The following USP13 variants were observed in gnomAD, a reference collection of about 807,000 sequenced individuals.
USP13 encodes the protein ubiquitin carboxyl-terminal hydrolase 13.
In USP13, 68 loss-of-function variants were observed where a neutral mutation model predicts 107.8. The observed-to-expected ratio is 0.63, with a 90% CI of 0.52 to 0.77. The LOEUF is 0.77. Ranked by LOEUF, USP13 falls within the 30% of genes least tolerant of loss-of-function variation. The pLI is 0.00. For missense variants in USP13, 945 were observed against 1,093.3 expected (o/e 0.86, Z 1.91); for synonymous variants, 377 against 389.5 (o/e 0.97, Z 0.38).
chr3:179,750,921 G>A (rs1006046906), intron 13 of USP13, among the ~76,000 whole-genome samples: 7 of 152,106 alleles, frequency 4.6e-5, no homozygotes, highest in South Asian at 2.1e-4. Flanking sequence ...CTGTCCCTGC[G>A]CTGTGCCTTT....
rs944539830 is a variant in USP13 at position 179,689,657 on chromosome 3, C to CA, written c.295-574dup. Among the ~76,000 whole-genome samples the CA allele has an allele frequency of 6.9e-3, 919 of 133,026 alleles. 8 individuals are homozygous for CA. The highest frequency in any genetic ancestry group is 9.4e-3 in the Non-Finnish European group (580 of 61,938). 87.3% of individuals were successfully genotyped at this position (133,026 alleles called of 152,430 possible). On this transcript the variant is annotated intron_variant, in intron 2 of 20. Transcript: ENST00000263966. Reference sequence around the variant, plus strand: ...TGGGCGACTGTGTGAGACTCCATCTCAAAAAAAAAAGCCAAAAAAAAAGAA... The same window carrying CA: ...TGGGCGACTGTGTGAGACTCCATCTCAAAAAAAAAAAGCCAAAAAAAAAGAA...
intron 3 of USP13, 74 bp from the exon 4 acceptor site, chr3:179,700,934 T>C (rs1712493524): frequency 1.6e-5 from 24 of 1,508,280 alleles, no homozygotes; most frequent in Non-Finnish European, 1.9e-5. Flanking sequence ...TTTCTGGCTT[T>C]TCCAGTGAGT....
chr3:179,676,275 A>G (rs908387731), intron 1 of USP13, among the ~76,000 whole-genome samples: 2 of 152,188 alleles, frequency 1.3e-5, no homozygotes, highest in African/African-American at 4.8e-5. Context: ...TCATTATAGT[A>G]GTGTGAGAAT....
intron 4 of USP13, among the ~76,000 whole-genome samples, chr3:179,704,552 G>A (rs734368): frequency 0.09 from 13,679 of 152,074 alleles, 860 homozygotes; most frequent in African/African-American, 0.17. Context: ...GCTACTGACC[G>A]ATGACACTGG....
Position 179,659,815 on chromosome 3 carries a change from G to A in USP13, c.168+6422G>A, listed in dbSNP as rs183878796. Reference sequence around the variant, plus strand: ...GCACTTTGGGAGGCTGAGGTGGGTGGATCACCTTATGAGGTCAGGAGTTCG... The same window carrying A: ...GCACTTTGGGAGGCTGAGGTGGGTGAATCACCTTATGAGGTCAGGAGTTCG... On this transcript the variant is annotated intron_variant, in intron 1 of 20. Transcript: ENST00000263966. Among the ~76,000 whole-genome samples, 98 of 152,274 alleles carry A rather than the reference G, an allele frequency of 6.4e-4. 1 individual carries two copies. Among genetic ancestry groups the A allele is most frequent in the African/African-American group, 2.3e-3 (97 of 41,562 alleles).
intron 11 of USP13, 27 bp downstream of exon 11, chr3:179,740,399 C>A (rs1236471426): frequency 1.9e-6 from 3 of 1,613,388 alleles, no homozygotes; most frequent in Non-Finnish European, 2.5e-6. Context: ...CACGGATGCT[C>A]AGCGGGGTTG....
At position 179,781,765 on chromosome 3, in the gene USP13, C is replaced by T. The variant is rs758761991; in HGVS notation, c.2440C>T (p.His814Tyr). 6 of 1,613,926 alleles carry T rather than the reference C, an allele frequency of 3.7e-6. No homozygotes were observed. Among genetic ancestry groups the T allele is most frequent in the Non-Finnish European group, 4.2e-6 (5 of 1,179,950 alleles). The stretch of plus-strand genomic sequence containing the variant: ...ATATGAGCTATTTGCATTCATCAGT[C>T]ACATGGGAACATCCACAATGAGTGG... ...GTYELFAFIS[H>Y]MGTSTMSGHY... The change falls in exon 20 of 21, where the codon CAC (histidine) becomes TAC (tyrosine). Residue 814 changes from histidine (H) to tyrosine (Y), a missense_variant. Coordinates refer to ENST00000263966, the MANE Select transcript of USP13 (RefSeq NM_003940.3).
At chr3:179,681,378 G>A (rs1021890879) in intron 1 of USP13, among the ~76,000 whole-genome samples, 2 of 152,148 alleles carry the variant, frequency 1.3e-5, no homozygotes, top group African/African-American at 4.8e-5. Context: ...CTAAATAGGC[G>A]AGGGGGGATT....
chr3:179,769,085 A>G (rs981566947), intron 19 of USP13, among the ~76,000 whole-genome samples: 1 of 152,224 alleles, frequency 6.6e-6, no homozygotes, highest in South Asian at 2.1e-4. Context: ...AAAAATGAAT[A>G]TAAATCTAAG....
rs1382370763 is a variant in USP13, at chr3:179,653,697, C to CGT, written c.168+305_168+306insTG. 1.2e-5 allele frequency: 4 copies of CGT among 323,826 alleles called. No homozygotes were observed. The highest frequency in any genetic ancestry group is 1.2e-5 in the Non-Finnish European group (2 of 173,448). 20.1% of individuals were successfully genotyped at this position (323,826 alleles called of 1,614,324 possible). A position where few individuals can be genotyped will look rare whatever the true frequency, so the allele number is the denominator to read the frequency against. Reference sequence around the variant, plus strand: ...GATGAAATACAAGAGTTCCCTGTTCCGAACTGCACGTTGCAGATCGTTTGC... The same window carrying CGT: ...GATGAAATACAAGAGTTCCCTGTTCCGTGAACTGCACGTTGCAGATCGTTTGC... On this transcript the variant is annotated intron_variant, in intron 1 of 20. Transcript: ENST00000263966. This position sits in a 1 kb window ranked among gnomAD's most constrained non-coding sequence, Gnocchi z 4.0.
chr3:179,654,778 A>T (rs1438146427), intron 1 of USP13, among the ~76,000 whole-genome samples: 2 of 152,172 alleles, frequency 1.3e-5, no homozygotes, highest in Non-Finnish European at 2.9e-5. Context: ...TTCCTTTATT[A>T]TCTGTGGGTT....
chr3:179,748,464 C>G (rs1439318863), intron 13 of USP13, among the ~76,000 whole-genome samples: 1 of 152,224 alleles, frequency 6.6e-6, no homozygotes, highest in Non-Finnish European at 1.5e-5. Context: ...TCTTTTGTTA[C>G]ACCCAGAGCC....
At chr3:179,682,718 T>C (rs1711709977) in intron 2 of USP13, among the ~76,000 whole-genome samples, 1 of 152,228 alleles carries the variant, frequency 6.6e-6, no homozygotes, top group South Asian at 2.1e-4. Context: ...TCTTCTCGTA[T>C]TGATGAACAT....
At chr3:179,739,657 A>G (rs189465578) in intron 10 of USP13, among the ~76,000 whole-genome samples, 1 of 152,192 alleles carries the variant, frequency 6.6e-6, no homozygotes, top group Non-Finnish European at 1.5e-5. Flanking sequence ...TCCCGGGTTC[A>G]AGCGATTTTC....
chr3:179,704,806 C>G (rs4855107), intron 4 of USP13, among the ~76,000 whole-genome samples: 27,449 of 152,114 alleles, frequency 0.18, 2,600 homozygotes, highest in Admixed American at 0.24. Context: ...GTCCCGATCT[C>G]TAATGGATTA....
At position 179,653,359 on chromosome 3, in the gene USP13, A is replaced by G. The variant is rs1720143536; in HGVS notation, c.134A>G (p.Tyr45Cys). The part of the protein sequence containing the change: ...IRVPRSGDRV[Y>C]KNECAFSYDS... Reference sequence around the variant, plus strand: ...GTGCCCAGGTCCGGCGACAGGGTCTACAAGAACGAGTGCGCCTTCTCCTAC... The same window carrying G: ...GTGCCCAGGTCCGGCGACAGGGTCTGCAAGAACGAGTGCGCCTTCTCCTAC... Residue 45 changes from tyrosine (Y) to cysteine (C), a missense_variant, in exon 1 of 21, where the codon TAC (tyrosine) becomes TGC (cysteine). Tyr to Cys is a radical substitution (Grantham distance 194). Coordinates refer to ENST00000263966, the MANE Select transcript of USP13 (RefSeq NM_003940.3). This position sits in a 1 kb window ranked among gnomAD's most constrained non-coding sequence, Gnocchi z 4.0. The G allele has an allele frequency of 6.3e-7, 1 of 1,575,086 alleles. No homozygotes were observed. Among genetic ancestry groups the G allele is most frequent in the Non-Finnish European group, 8.6e-7 (1 of 1,160,532 alleles).
In USP13 at chr3:179,786,944, CA is replaced by C. The variant is rs760381102; in HGVS notation, c.*2806del. ...TATGTCTTTGGAAAAGGTAATGTAT[CA>C]AAGTTTTTATTTTGCCAATTGATCT... On this transcript the variant is annotated 3_prime_UTR_variant, in exon 21 of 21. Coordinates refer to ENST00000263966, the MANE Select transcript of USP13 (RefSeq NM_003940.3). 6 of 152,060 alleles carry C rather than the reference CA, an allele frequency of 3.9e-5. No individual in the cohort carries two copies. Among genetic ancestry groups the C allele is most frequent in the Non-Finnish European group, 8.8e-5 (6 of 68,008 alleles). 9.4% of individuals were successfully genotyped at this position (152,060 alleles called of 1,614,324 possible). A position where few individuals can be genotyped will look rare whatever the true frequency, so the allele number is the denominator to read the frequency against.
chr3:179,677,915 A>G (rs970431879), intron 1 of USP13, among the ~76,000 whole-genome samples: 1 of 152,204 alleles, frequency 6.6e-6, no homozygotes, highest in Non-Finnish European at 1.5e-5. Flanking sequence ...AGATAATAAT[A>G]ATTAGCCCAT....
chr3:179,765,995 T>C, intron 19 of USP13, 147 bp downstream of exon 19: 1 of 1,004,556 alleles, frequency 1.0e-6, no homozygotes, highest in Non-Finnish European at 1.4e-6. Context: ...TTTTTTTCTT[T>C]TTTGAGACAG....
Sources: allele counts gnomAD v4.1 joint callset (sites outside exome capture counted in the v4.1 genomes callset), GRCh38; gene constraint gnomAD v4.1.1; non-coding constraint Gnocchi (gnomAD v3.1); transcripts MANE v1.5; gene names NCBI Gene and HGNC (gene_info 2026-07-23, HGNC 2026-07-21).